The following POLR1F variants were observed in gnomAD, a reference collection of about 807,000 sequenced individuals.
The protein encoded by POLR1F is RNA polymerase I subunit F.
A neutral mutation model predicts 21.8 loss-of-function variants in POLR1F; 23 were observed. That is an observed-to-expected ratio of 1.05 (90% CI 0.76 to 1.49). The LOEUF is 1.49. Ranked by LOEUF, POLR1F falls within the 40% of genes most tolerant of loss-of-function variation. The pLI, the probability that POLR1F is intolerant of heterozygous loss-of-function variation, is 0.00. For synonymous variants in POLR1F, 162 were observed against 152.8 expected, an observed-to-expected ratio of 1.06 and a Z score of -0.45; for missense variants, 435 against 412.1, an observed-to-expected ratio of 1.06 and a Z score of -0.48.
intron 1 of POLR1F, among the ~76,000 whole-genome samples, chr7:19,708,288 C>A (rs896276903): frequency 3.3e-5 from 5 of 152,144 alleles, no homozygotes; most frequent in Non-Finnish European, 7.4e-5. Context: ...AAAAAAGGTC[C>A]TTCATGTTTT....
rs1783366284 is a variant in POLR1F, at chr7:19,696,479, G to A, written c.*1837C>T. The A allele has an allele frequency of 6.6e-6, 1 of 152,044 alleles. No individual in the cohort carries two copies. The highest frequency in any genetic ancestry group is 6.6e-5 in the Admixed American group (1 of 15,256). 9.4% of individuals were successfully genotyped at this position (152,044 alleles called of 1,614,324 possible). On this transcript the variant is annotated 3_prime_UTR_variant, in exon 4 of 4. Transcript: ENST00000222567. ...TCTTTCTTGTGTCTATGGAAAAGGG[G>A]TTTAGAATTGTTTCACTAAAAATTA... is the stretch of plus-strand genomic sequence containing the variant.
intron 1 of POLR1F, 45 bp downstream of exon 1, chr7:19,708,718 T>C: frequency 6.3e-7 from 1 of 1,576,338 alleles, no homozygotes; most frequent in Non-Finnish European, 8.7e-7. Flanking sequence ...TCCACCTGCT[T>C]TACTTCCCGT....
intron 1 of POLR1F, among the ~76,000 whole-genome samples, chr7:19,707,464 C>CAA (rs1783546480): frequency 6.6e-6 from 1 of 152,200 alleles, no homozygotes; most frequent in Admixed American, 6.5e-5. Context: ...CCCCTGCCCT[C>CAA]CTCTCCAATG....
Position 19,695,502 on chromosome 7 carries a change from ATC to A in POLR1F, c.*2812_*2813del, listed in dbSNP as rs1783347653. ...GCTTTTTATTTATCAATTTAAAATT[ATC>A]TGTTGATGCTTTCATTATACAAAGG... On this transcript the variant is annotated 3_prime_UTR_variant, in exon 4 of 4. Coordinates refer to ENST00000222567, the MANE Select transcript of POLR1F (RefSeq NM_001002926.2). The A allele has an allele frequency of 6.6e-6, 1 of 152,064 alleles. No homozygotes were observed. Among genetic ancestry groups the A allele is most frequent in the South Asian group, 2.1e-4 (1 of 4,834 alleles). The allele number at this position is 152,064 out of a possible 1,614,324, so 9.4% of individuals were successfully genotyped here.
intron 1 of POLR1F, among the ~76,000 whole-genome samples, chr7:19,706,974 C>G (rs1250200917): frequency 6.6e-6 from 1 of 152,188 alleles, no homozygotes; most frequent in East Asian, 1.9e-4. Context: ...GGAGTGGTGT[C>G]CAGATCTGTT....
intron 1 of POLR1F, among the ~76,000 whole-genome samples, chr7:19,706,329 G>A (rs754131119): frequency 6.6e-6 from 1 of 152,032 alleles, no homozygotes; most frequent in Non-Finnish European, 1.5e-5. Context: ...CAGAGAATAG[G>A]AAGAAAAATT....
At chr7:19,706,126 T>G (rs1783521172) in intron 1 of POLR1F, among the ~76,000 whole-genome samples, 1 of 152,166 alleles carries the variant, frequency 6.6e-6, no homozygotes, top group African/African-American at 2.4e-5. Context: ...GGGAAAGAAT[T>G]TATCCCTAAC....
rs977998446 is a variant in POLR1F at position 19,708,876 on chromosome 7, G to A, written c.141C>T (p.Cys47=). The change falls in exon 1 of 4, where the codon TGC becomes TGT. Residue 47 remains cysteine, a synonymous_variant. Transcript: ENST00000222567. ...GCCTTTGGTGCGGCCCGGCCACCAG[G>A]CATGAGTAGCGACTGTTCACCAGCG... The part of the protein sequence containing the change: ...ACALVNSRYS[C]LVAGPHQRHI... The A allele has an allele frequency of 9.9e-6, 16 of 1,614,082 alleles. No homozygotes were observed. The highest frequency in any genetic ancestry group is 1.3e-5 in the African/African-American group (1 of 74,948).
At chr7:19,701,045 C>G (rs1419265843) in intron 2 of POLR1F, among the ~76,000 whole-genome samples, 2 of 152,072 alleles carry the variant, frequency 1.3e-5, no homozygotes, top group Non-Finnish European at 2.9e-5. Context: ...GCAAATAATG[C>G]CGATGTGTAT....
chr7:19,703,091 T>A (rs2128006628), intron 2 of POLR1F, among the ~76,000 whole-genome samples: 1 of 152,332 alleles, frequency 6.6e-6, no homozygotes, highest in South Asian at 2.1e-4. Context: ...TGAAGACAGA[T>A]AATTATATTG....
chr7:19,706,255 C>T (rs1166800201), intron 1 of POLR1F, among the ~76,000 whole-genome samples: 1 of 152,154 alleles, frequency 6.6e-6, no homozygotes, highest in African/African-American at 2.4e-5. Flanking sequence ...GTTTTAATTT[C>T]CGCATGTGGC....
chr7:19,700,190 C>T lies in POLR1F; in HGVS notation c.487G>A (p.Ala163Thr), dbSNP rs1275625977. The T allele has an allele frequency of 1.9e-6, 3 of 1,613,900 alleles. No homozygotes were observed. The highest frequency in any genetic ancestry group is 1.7e-6 in the Non-Finnish European group (2 of 1,179,850). The change falls in exon 3 of 4, where the codon GCT becomes ACT. Residue 163 changes from alanine to threonine, a missense_variant. By Grantham distance (58) the Ala-to-Thr change is moderately conservative. Transcript: ENST00000222567. Reference protein sequence around the residue: ...ASIPKPEQLSAEQWQTMEINM... With the variant: ...ASIPKPEQLSTEQWQTMEINM... ...ATCTCCATGGTTTGCCACTGCTCAGCTGACAACTGCTCAGGTTTAGGAATG... is the reference window on the plus strand; with the variant it reads ...ATCTCCATGGTTTGCCACTGCTCAGTTGACAACTGCTCAGGTTTAGGAATG...
rs1400326820 is a variant in POLR1F at position 19,697,215 on chromosome 7, C to A, written c.*1101G>T. 6.6e-6 allele frequency: 1 copy of A among 152,062 alleles called. No individual in the cohort carries two copies. Among genetic ancestry groups the A allele is most frequent in the African/African-American group, 2.4e-5 (1 of 41,440 alleles). 9.4% of individuals were successfully genotyped at this position (152,062 alleles called of 1,614,324 possible). A position where few individuals can be genotyped will look rare whatever the true frequency, so the allele number is the denominator to read the frequency against. ...CCCCTTTTTTTCATACCACTTAATA[C>A]AATTATTAATTTTCTTATTTATTGT... On this transcript the variant is annotated 3_prime_UTR_variant, in exon 4 of 4. Coordinates refer to ENST00000222567, the MANE Select transcript of POLR1F (RefSeq NM_001002926.2).
intron 1 of POLR1F, among the ~76,000 whole-genome samples, chr7:19,705,988 C>T (rs1048984511): frequency 6.6e-6 from 1 of 152,190 alleles, no homozygotes; most frequent in African/African-American, 2.4e-5. Context: ...AACTTTCTCA[C>T]TGTTCTTAAT....
chr7:19,698,528 C>T lies in POLR1F; in HGVS notation c.805G>A (p.Gly269Ser), dbSNP rs1244372359. 3.1e-6 allele frequency: 5 copies of T among 1,605,256 alleles called. No individual in the cohort carries two copies. The Admixed American group carries it at 8.7e-5, about 28-fold the overall frequency. The change falls in exon 4 of 4, where the codon GGC (glycine) becomes AGC (serine). Residue 269 changes from glycine (G) to serine (S), a missense_variant. Physicochemically the swap from Gly to Ser is moderately conservative, Grantham distance 56. Coordinates refer to ENST00000222567, the MANE Select transcript of POLR1F (RefSeq NM_001002926.2). ...SALQNTNNANGIWEEEPKKKK... is the reference protein window; with the variant it reads ...SALQNTNNANSIWEEEPKKKK... The stretch of plus-strand genomic sequence containing the variant: ...TTCTTTGGCTCCTCCTCCCAGATGC[C>T]ATTCGCATTATTAGTATTCTGCAGG...
chr7:19,704,708 C>T, intron 2 of POLR1F, 71 bp downstream of exon 2: 1 of 1,367,416 alleles, frequency 7.3e-7, no homozygotes, highest in Non-Finnish European at 9.9e-7. Context: ...TATATATTAT[C>T]TCTTAAAATG....
In POLR1F at chr7:19,708,981, C is replaced by A. The variant is rs144823817; in HGVS notation, c.36G>T (p.Ala12=). ...CTACCAGAGACCCATCAGAAGCCGC[C>A]GCTGGCCGCGGCGCCTCTGAGCAAC... is the stretch of plus-strand genomic sequence containing the variant. ...AAGCSEAPRP[A]AASDGSLVGQ... The change falls in exon 1 of 4, where the codon GCG becomes GCT. Residue 12 remains alanine (A), a synonymous_variant. Transcript: ENST00000222567. 5.2e-5 allele frequency: 83 copies of A among 1,596,260 alleles called. No homozygotes were observed. Among genetic ancestry groups the A allele is most frequent in the Non-Finnish European group, 6.8e-5 (79 of 1,169,574 alleles).
At position 19,697,414 on chromosome 7, in the gene POLR1F, T is replaced by G. The variant is rs1036211131; in HGVS notation, c.*902A>C. 1 of 152,146 alleles carries G rather than the reference T, an allele frequency of 6.6e-6. No individual in the cohort carries two copies. Among genetic ancestry groups the G allele is most frequent in the African/African-American group, 2.4e-5 (1 of 41,446 alleles). 9.4% of individuals were successfully genotyped at this position (152,146 alleles called of 1,614,324 possible). ...CATTGATTACCAGCTTCAACCAGCT[T>G]GTCATTTCATTACACTTTGTCAATT... On this transcript the variant is annotated 3_prime_UTR_variant, in exon 4 of 4. Coordinates refer to ENST00000222567, the MANE Select transcript of POLR1F (RefSeq NM_001002926.2).
intron 2 of POLR1F, among the ~76,000 whole-genome samples, chr7:19,701,243 T>G (rs1783442521): frequency 6.6e-6 from 1 of 152,172 alleles, no homozygotes; most frequent in Admixed American, 6.6e-5. Context: ...TAAAAAGACA[T>G]AGCGAAACCT....
Sources: allele counts gnomAD v4.1 joint callset (sites outside exome capture counted in the v4.1 genomes callset), GRCh38; gene constraint gnomAD v4.1.1; transcripts MANE v1.5; gene names NCBI Gene and HGNC (gene_info 2026-07-23, HGNC 2026-07-21).